SUCLG2: variants seen among roughly 807,000 people sequenced by gnomAD.
SUCLG2 encodes succinate--CoA ligase [GDP-forming] subunit beta, mitochondrial.
Under a neutral mutation model 47.9 loss-of-function variants are expected in SUCLG2, and 42 were observed. The ratio of observed to expected loss-of-function variants is 0.88; its 90% confidence interval spans 0.69 to 1.14. The LOEUF (loss-of-function observed/expected upper bound fraction) is 1.14. Ranked by LOEUF, SUCLG2 falls within the 50% of genes most tolerant of loss-of-function variation. The pLI is 0.00. For missense variants in SUCLG2, 571 were observed against 525.9 expected (o/e 1.09, Z -0.84); for synonymous variants, 195 against 197.3 (o/e 0.99, Z 0.10).
intron 9 of SUCLG2, among the ~76,000 whole-genome samples, chr3:67,449,658 C>G (rs1704006600): frequency 6.6e-6 from 1 of 151,788 alleles, no homozygotes; most frequent in Non-Finnish European, 1.5e-5. Flanking sequence ...CTCTGTTGCC[C>G]AGGCTGGGGT....
intron 2 of SUCLG2, among the ~76,000 whole-genome samples, chr3:67,561,743 G>A (rs1196653995): frequency 1.3e-5 from 2 of 152,054 alleles, no homozygotes; most frequent in East Asian, 1.9e-4. Flanking sequence ...TTTCAGTGGT[G>A]CATAATCAAA....
intron 2 of SUCLG2, among the ~76,000 whole-genome samples, chr3:67,565,332 T>G (rs150899152): frequency 1.2e-3 from 189 of 152,334 alleles, no homozygotes; most frequent in African/African-American, 4.5e-3. Flanking sequence ...CAATATAGTC[T>G]TCTTTTAAAT....
intron 7 of SUCLG2, among the ~76,000 whole-genome samples, chr3:67,499,012 C>A (rs577128349): frequency 6.6e-6 from 1 of 152,222 alleles, no homozygotes; most frequent in East Asian, 1.9e-4. Context: ...AGGAATTGTG[C>A]AATATGAACG....
intron 2 of SUCLG2, among the ~76,000 whole-genome samples, chr3:67,534,443 T>C (rs2107158923): frequency 6.6e-6 from 1 of 152,054 alleles, no homozygotes; most frequent in East Asian, 1.9e-4. Context: ...CTTAAAAATA[T>C]TGTATATTTA....
intron 1 of SUCLG2, among the ~76,000 whole-genome samples, chr3:67,628,369 CT>C (rs532162475): frequency 1.3e-5 from 2 of 152,140 alleles, no homozygotes; most frequent in African/African-American, 2.4e-5. Context: ...AGATTTACCC[CT>C]ATATGCAATT....
chr3:67,564,908 C>A (rs1317434124), intron 2 of SUCLG2, among the ~76,000 whole-genome samples: 1 of 151,712 alleles, frequency 6.6e-6, no homozygotes, highest in Non-Finnish European at 1.5e-5. Context: ...AATCTTAGAA[C>A]AATATTTTTC....
intron 7 of SUCLG2, among the ~76,000 whole-genome samples, chr3:67,499,106 G>A (rs962780310): frequency 5.9e-5 from 9 of 152,156 alleles, no homozygotes; most frequent in African/African-American, 2.2e-4. Context: ...ACAACATCAT[G>A]TTTTGATATA....
chr3:67,475,967 T>C (rs1387772920), intron 9 of SUCLG2, among the ~76,000 whole-genome samples: 1 of 149,896 alleles, frequency 6.7e-6, no homozygotes, highest in Non-Finnish European at 1.5e-5. Flanking sequence ...AGAATTTGAG[T>C]ATTCCTTCCC....
chr3:67,451,206 C>G (rs1238289373), intron 9 of SUCLG2, among the ~76,000 whole-genome samples: 2 of 152,188 alleles, frequency 1.3e-5, no homozygotes, highest in Non-Finnish European at 2.9e-5. Flanking sequence ...GTTTTGGCTG[C>G]TTGAATACAT....
intron 4 of SUCLG2, among the ~76,000 whole-genome samples, chr3:67,524,775 G>C (rs1706210363): frequency 6.6e-6 from 1 of 152,174 alleles, no homozygotes; most frequent in Non-Finnish European, 1.5e-5. Context: ...GAGAAGAAGG[G>C]AGACTAGCTA....
chr3:67,528,992 C>A, intron 3 of SUCLG2, 95 bp downstream of exon 3: 4 of 1,082,328 alleles, frequency 3.7e-6, no homozygotes, highest in Non-Finnish European at 4.0e-6. Flanking sequence ...CGCTCCTACC[C>A]CACCACAACC....
At chr3:67,401,870 T>C (rs1399678196) in intron 9 of SUCLG2, among the ~76,000 whole-genome samples, 1 of 152,230 alleles carries the variant, frequency 6.6e-6, no homozygotes, top group Non-Finnish European at 1.5e-5. Flanking sequence ...GAGAATATCT[T>C]ACATTTGTAT....
intron 9 of SUCLG2, among the ~76,000 whole-genome samples, chr3:67,451,183 T>A (rs1357642102): frequency 6.6e-6 from 1 of 152,232 alleles, no homozygotes; most frequent in Non-Finnish European, 1.5e-5. Flanking sequence ...CCTTTCACAA[T>A]TCTAAATCTG....
At chr3:67,597,581 G>A (rs907224225) in intron 2 of SUCLG2, among the ~76,000 whole-genome samples, 15 of 152,132 alleles carry the variant, frequency 9.9e-5, no homozygotes, top group Non-Finnish European at 2.1e-4. Context: ...CTGTCTGGAA[G>A]GCCCTTTCTT....
intron 1 of SUCLG2, among the ~76,000 whole-genome samples, chr3:67,648,398 A>G (rs1302593041): frequency 6.6e-6 from 1 of 152,206 alleles, no homozygotes; most frequent in East Asian, 1.9e-4. Context: ...GGCGAGTGTC[A>G]CTCAAGGGCA....
intron 10 of SUCLG2, among the ~76,000 whole-genome samples, chr3:67,393,011 C>T (rs1259849430): frequency 6.6e-6 from 1 of 150,806 alleles, no homozygotes. Flanking sequence ...CACATACTCA[C>T]AGTAAGAAAA....
intron 10 of SUCLG2, among the ~76,000 whole-genome samples, chr3:67,399,465 C>T (rs894864060): frequency 1.3e-5 from 2 of 152,186 alleles, no homozygotes; most frequent in African/African-American, 4.8e-5. Context: ...GAGTCTGTCC[C>T]ATCAAGGAAA....
intron 9 of SUCLG2, among the ~76,000 whole-genome samples, chr3:67,419,405 A>C (rs1000220394): frequency 2.6e-5 from 4 of 152,198 alleles, no homozygotes; most frequent in African/African-American, 9.7e-5. Flanking sequence ...ACTACAGTGA[A>C]TCAGAATGTC....
Position 67,381,581 on chromosome 3 carries a change from G to T in SUCLG2, c.1184-5722C>A, listed in dbSNP as rs1183483540. On this transcript the variant is annotated intron_variant, in intron 10 of 10. Transcript: ENST00000307227. ...TCTAATATTTATTAAATGCTACATT[G>T]CTTTTTAATGAGCCTTCAGGACAAC... is the stretch of plus-strand genomic sequence containing the variant. 5.3e-5 allele frequency among the ~76,000 whole-genome samples: 8 copies of T among 152,300 alleles called. No individual in the cohort carries two copies. In the East Asian group the frequency reaches 1.5e-3, roughly 29 times the overall value.
Sources: gnomAD v4.1 joint callset for allele counts (sites outside exome capture counted in the v4.1 genomes callset) on GRCh38, gnomAD v4.1.1 for gene constraint, MANE v1.5 for transcripts, NCBI Gene and HGNC (gene_info 2026-07-23, HGNC 2026-07-21) for gene names.